The following MTSS1 variants were observed in gnomAD, a reference collection of about 807,000 sequenced individuals.
MTSS1 encodes protein MTSS 1.
Under a neutral mutation model 79.0 loss-of-function variants are expected in MTSS1, and 18 were observed. That is an observed-to-expected ratio of 0.23 (90% CI 0.16 to 0.34). The LOEUF is 0.34. Ranked by LOEUF, MTSS1 falls within the 10% of genes least tolerant of loss-of-function variation. The pLI is 1.00. For synonymous variants in MTSS1, 341 were observed against 368.6 expected (o/e 0.93, Z 0.86); for missense variants, 815 against 986.2 (o/e 0.83, Z 2.33).
rs562520560 is a variant in MTSS1 at position 124,639,369 on chromosome 8, T to C, written c.209-48134A>G. On this transcript the variant is annotated intron_variant, in intron 3 of 13. Transcript: ENST00000518547. ...ACAAAAGTGTTGCCTTAATAAGATGTAAAATTATCACAACAAAACAAAAAT... is the reference window on the plus strand; with the variant it reads ...ACAAAAGTGTTGCCTTAATAAGATGCAAAATTATCACAACAAAACAAAAAT... Among the ~76,000 whole-genome samples, 3 of 152,280 alleles carry C rather than the reference T, an allele frequency of 2.0e-5. No homozygotes were observed. The East Asian group carries it at 5.8e-4, about 29-fold the overall frequency.
intron 6 of MTSS1, among the ~76,000 whole-genome samples, chr8:124,577,271 A>T (rs1002230968): frequency 2.6e-5 from 4 of 152,302 alleles, no homozygotes; most frequent in South Asian, 4.1e-4. Context: ...TATTTTGGAG[A>T]CAGGGTCTCA....
chr8:124,690,755 G>A lies in MTSS1; in HGVS notation c.208+8771C>T, dbSNP rs111845440. On this transcript the variant is annotated intron_variant, in intron 3 of 13. Coordinates refer to ENST00000518547, the MANE Select transcript of MTSS1 (RefSeq NM_014751.6). ...TTATCAGCAGTAATGCTAGGCTCAT[G>A]GTTACAAATCTCCTAAATATACGTA... Among the ~76,000 whole-genome samples the A allele has an allele frequency of 8.2e-3, 1,254 of 152,236 alleles. 6 individuals carry two copies. The highest frequency in any genetic ancestry group is 0.013 in the Non-Finnish European group (918 of 68,020).
In MTSS1 at chr8:124,597,369, C is replaced by CA. The variant is rs1832943641; in HGVS notation, c.209-6135dup. Among the ~76,000 whole-genome samples, 1 of 152,184 alleles carries CA rather than the reference C, an allele frequency of 6.6e-6. No homozygotes were observed. Among genetic ancestry groups the CA allele is most frequent in the African/African-American group, 2.4e-5 (1 of 41,440 alleles). ...CTCTCTCACTACGACAAGCTGGAGA[C>CA]ATTCCCAGCTGAGGACAAAGAGGCA... is the stretch of plus-strand genomic sequence containing the variant. On this transcript the variant is annotated intron_variant, in intron 3 of 13. Coordinates refer to ENST00000518547, the MANE Select transcript of MTSS1 (RefSeq NM_014751.6). The surrounding 1 kb of genome is among the most constrained non-coding windows in gnomAD (Gnocchi z 4.6).
chr8:124,619,592 T>G (rs1284249217), intron 3 of MTSS1: 3 of 152,202 alleles, frequency 2.0e-5, no homozygotes, highest in Non-Finnish European at 4.4e-5. Flanking sequence ...ACTGTGAAAT[T>G]TGGGAGGGAG....
intron 13 of MTSS1, among the ~76,000 whole-genome samples, chr8:124,554,326 C>T (rs926814909): frequency 3.9e-5 from 6 of 152,044 alleles, no homozygotes; most frequent in Admixed American, 2.0e-4. Context: ...TTATGGAGGA[C>T]GTGGTGGGGA....
At chr8:124,684,918 G>GC (rs1826710491) in intron 3 of MTSS1, among the ~76,000 whole-genome samples, 1 of 152,124 alleles carries the variant, frequency 6.6e-6, no homozygotes, top group Admixed American at 6.6e-5. Context: ...GATGTATTTG[G>GC]CCCCTACTAT....
chr8:124,625,344 G>A (rs758577124), intron 3 of MTSS1, among the ~76,000 whole-genome samples: 12 of 152,172 alleles, frequency 7.9e-5, no homozygotes, highest in East Asian at 1.9e-4. Flanking sequence ...AGCCCTCCAC[G>A]TGAGCAAGGG....
In MTSS1 at chr8:124,562,701, G is replaced by T. The variant is rs184328094; in HGVS notation, c.1035+81C>A. On this transcript the variant is annotated intron_variant, in intron 10 of 13. Coordinates refer to ENST00000518547, the MANE Select transcript of MTSS1 (RefSeq NM_014751.6). ...GTGGGCAGGGGATTGTCTAAGCCAAGGTGCTTCTTTGGTTCTGGCCACTGA... is the reference window on the plus strand; with the variant it reads ...GTGGGCAGGGGATTGTCTAAGCCAATGTGCTTCTTTGGTTCTGGCCACTGA... The T allele has an allele frequency of 9.3e-4, 1,276 of 1,374,970 alleles. 13 individuals carry two copies. In the South Asian group the frequency reaches 9.4e-3, roughly 10 times the overall value. 85.2% of individuals were successfully genotyped at this position (1,374,970 alleles called of 1,614,324 possible).
chr8:124,590,009 A>AC (rs1434246529), intron 4 of MTSS1, among the ~76,000 whole-genome samples: 1 of 152,034 alleles, frequency 6.6e-6, no homozygotes, highest in African/African-American at 2.4e-5. Context: ...GGAACACATC[A>AC]CCATGCCCAA....
intron 6 of MTSS1, 32 bp from the exon 7 acceptor site, chr8:124,568,568 C>T (rs778896094): frequency 1.9e-6 from 3 of 1,614,010 alleles, no homozygotes; most frequent in East Asian, 2.2e-5. Context: ...GCACGGCTTG[C>T]TGAAATACCA....
chr8:124,660,025 T>G (rs953695006), intron 3 of MTSS1, among the ~76,000 whole-genome samples: 1 of 145,864 alleles, frequency 6.9e-6, no homozygotes, highest in African/African-American at 2.8e-5. Flanking sequence ...TTAGAAGCAG[T>G]CTCTTTTCAC....
chr8:124,613,486 G>T (rs540127634), intron 3 of MTSS1, among the ~76,000 whole-genome samples: 30 of 152,322 alleles, frequency 2.0e-4, no homozygotes, highest in African/African-American at 6.7e-4. Flanking sequence ...TCTGGTTTTG[G>T]ATTTACTTCT....
intron 10 of MTSS1, among the ~76,000 whole-genome samples, chr8:124,561,104 CTAT>C (rs1167844661): frequency 1.3e-5 from 2 of 152,162 alleles, no homozygotes; most frequent in African/African-American, 2.4e-5. Context: ...TAAGAATTCT[CTAT>C]TAAGTTTTGT....
intron 1 of MTSS1, among the ~76,000 whole-genome samples, 200 bp from the exon 2 acceptor site, chr8:124,704,391 T>C (rs1830117729): frequency 6.6e-6 from 1 of 152,228 alleles, no homozygotes; most frequent in Admixed American, 6.5e-5. Context: ...TCCTATAATC[T>C]TGTAAATACT....
intron 3 of MTSS1, among the ~76,000 whole-genome samples, chr8:124,646,778 A>G (rs1157580820): frequency 6.6e-6 from 1 of 151,226 alleles, no homozygotes; most frequent in Non-Finnish European, 1.5e-5. Flanking sequence ...GCTAAAAGCT[A>G]TTTTCCTCAT....
intron 3 of MTSS1, among the ~76,000 whole-genome samples, chr8:124,635,835 A>T (rs1165792468): frequency 1.3e-5 from 2 of 151,912 alleles, no homozygotes; most frequent in African/African-American, 4.8e-5. Context: ...GATTGCTCTC[A>T]TGCCTTCCAT....
chr8:124,594,538 C>CA (rs1297132349), intron 3 of MTSS1, among the ~76,000 whole-genome samples: 1 of 151,440 alleles, frequency 6.6e-6, no homozygotes, highest in African/African-American at 2.4e-5. Context: ...TCAACAACAA[C>CA]AACAAAAGAA....
intron 3 of MTSS1, among the ~76,000 whole-genome samples, chr8:124,665,698 T>A (rs928647215): frequency 6.6e-6 from 1 of 151,984 alleles, no homozygotes; most frequent in South Asian, 2.1e-4. Flanking sequence ...AGAAACCCCG[T>A]CTCTACTAAA....
intron 1 of MTSS1, among the ~76,000 whole-genome samples, chr8:124,713,095 T>C (rs1379444807): frequency 6.6e-6 from 1 of 152,198 alleles, no homozygotes; most frequent in Non-Finnish European, 1.5e-5. Flanking sequence ...CATGAGGTTA[T>C]TTAAAGTATG....
Sources: gnomAD v4.1 joint callset for allele counts (sites outside exome capture counted in the v4.1 genomes callset) on GRCh38, gnomAD v4.1.1 for gene constraint, Gnocchi (gnomAD v3.1) non-coding constraint, MANE v1.5 for transcripts, NCBI Gene and HGNC (gene_info 2026-07-23, HGNC 2026-07-21) for gene names.